Variants in CDH20 observed in about 807,000 individuals in gnomAD.
CDH20 encodes cadherin 20.
CDH20 carries 29 observed loss-of-function variants against 74.2 expected under a neutral mutation model. That is an observed-to-expected ratio of 0.39 (90% confidence interval 0.29 to 0.53). The LOEUF (loss-of-function observed/expected upper bound fraction) is 0.53, where lower values mean the gene tolerates loss of function less well. Ranked by LOEUF, CDH20 falls within the 20% of genes least tolerant of loss-of-function variation. The pLI, the probability that CDH20 is intolerant of heterozygous loss-of-function variation, is 0.69. For synonymous variants in CDH20, 469 were observed against 405.4 expected, an observed-to-expected ratio of 1.16 and a Z score of -1.88; for missense variants, 988 against 1,048.3, an observed-to-expected ratio of 0.94 and a Z score of 0.79.
intron 1 of CDH20, among the ~76,000 whole-genome samples, chr18:61,449,454 T>G (rs1909309665): frequency 6.6e-6 from 1 of 152,154 alleles, no homozygotes; most frequent in Non-Finnish European, 1.5e-5. Context: ...ATATTGTCTC[T>G]GATTCTCACA....
chr18:61,440,802 G>A (rs143434588), intron 1 of CDH20, among the ~76,000 whole-genome samples: 3 of 152,260 alleles, frequency 2.0e-5, no homozygotes, highest in African/African-American at 7.2e-5. Flanking sequence ...AACATGGGAT[G>A]GGGGAAGGGC....
chr18:61,515,500 C>T lies in CDH20; in HGVS notation c.1017+7940C>T, dbSNP rs1226729218. ...CTGGGAGCTGTAGACCGGAGCTGTT[C>T]CTATTCGGCCATCTTGGCTCCTCCC... On this transcript the variant is annotated intron_variant, in intron 6 of 11. Coordinates refer to ENST00000262717, the MANE Select transcript of CDH20 (RefSeq NM_031891.4). Among the ~76,000 whole-genome samples, 5 of 152,110 alleles carry T rather than the reference C, an allele frequency of 3.3e-5. No homozygotes were observed. The South Asian group carries it at 1.0e-3, about 32-fold the overall frequency.
At chr18:61,489,939 A>T (rs1367735539) in intron 1 of CDH20, among the ~76,000 whole-genome samples, 3 of 152,188 alleles carry the variant, frequency 2.0e-5, no homozygotes. Context: ...TGACCAAAAA[A>T]AAACAAGGTA....
chr18:61,501,425 T>C (rs898553861), intron 4 of CDH20, among the ~76,000 whole-genome samples: 5 of 152,150 alleles, frequency 3.3e-5, no homozygotes, highest in African/African-American at 9.7e-5. Context: ...TTCCCAATAA[T>C]CTTGTAAACT....
intron 1 of CDH20, among the ~76,000 whole-genome samples, chr18:61,346,566 C>A (rs1434390382): frequency 6.6e-6 from 1 of 152,066 alleles, no homozygotes. Flanking sequence ...GTAGAATTTT[C>A]AAGGAACACG....
chr18:61,368,445 G>A (rs1910929999), intron 1 of CDH20, among the ~76,000 whole-genome samples: 1 of 121,570 alleles, frequency 8.2e-6, no homozygotes. Context: ...CGGGGGTGGG[G>A]GGCAACAACT....
At chr18:61,409,832 A>G (rs555049685) in intron 1 of CDH20, among the ~76,000 whole-genome samples, 1 of 152,218 alleles carries the variant, frequency 6.6e-6, no homozygotes, top group South Asian at 2.1e-4. Flanking sequence ...GCTCCAGCCA[A>G]TCACAGTCAG....
chr18:61,486,485 A>G (rs1910767134), intron 1 of CDH20, among the ~76,000 whole-genome samples: 4 of 152,234 alleles, frequency 2.6e-5, no homozygotes, highest in Admixed American at 2.6e-4. Context: ...ACTCCTAAGT[A>G]AAATGGGTTT....
chr18:61,498,272 T>C (rs1911242192), intron 2 of CDH20, among the ~76,000 whole-genome samples: 1 of 152,138 alleles, frequency 6.6e-6, no homozygotes, highest in South Asian at 2.1e-4. Flanking sequence ...TTGTGGTGCA[T>C]GCCTGTAGTC....
chr18:61,483,586 A>T (rs1401870174), intron 1 of CDH20, among the ~76,000 whole-genome samples: 2 of 152,194 alleles, frequency 1.3e-5, no homozygotes, highest in Admixed American at 1.3e-4. Flanking sequence ...AATGGTATGT[A>T]TACCTATGCC....
intron 2 of CDH20, among the ~76,000 whole-genome samples, chr18:61,492,204 A>C (rs1279590434): frequency 6.6e-6 from 1 of 152,024 alleles, no homozygotes; most frequent in Non-Finnish European, 1.5e-5. Context: ...ATTATTTCCT[A>C]AAACCAGAGA....
intron 1 of CDH20, among the ~76,000 whole-genome samples, chr18:61,413,602 A>T (rs1187952550): frequency 6.6e-6 from 1 of 152,156 alleles, no homozygotes; most frequent in Middle Eastern, 3.2e-3. Context: ...CATTGTTCTG[A>T]CATCACACCA....
intron 1 of CDH20, among the ~76,000 whole-genome samples, chr18:61,354,828 A>T (rs957994043): frequency 1.3e-5 from 2 of 152,090 alleles, no homozygotes; most frequent in African/African-American, 4.8e-5. Flanking sequence ...ATTCTATTCT[A>T]GGTTTGAGCT....
At chr18:61,438,554 G>A (rs1399287455) in intron 1 of CDH20, among the ~76,000 whole-genome samples, 1 of 152,014 alleles carries the variant, frequency 6.6e-6, no homozygotes, top group Non-Finnish European at 1.5e-5. Flanking sequence ...AAACCACAAT[G>A]AGATATCTCA....
chr18:61,411,028 A>G (rs1251338418), intron 1 of CDH20, among the ~76,000 whole-genome samples: 3 of 150,616 alleles, frequency 2.0e-5, no homozygotes, highest in Non-Finnish European at 4.5e-5. Flanking sequence ...GTGAAACCCC[A>G]TCTCTACTAA....
intron 7 of CDH20, among the ~76,000 whole-genome samples, chr18:61,532,736 T>C (rs17068482): frequency 0.021 from 3,202 of 152,250 alleles, 109 homozygotes; most frequent in African/African-American, 0.073. Flanking sequence ...TGCACTATAG[T>C]AAAGAAAATG....
chr18:61,409,935 G>C (rs1912444122), intron 1 of CDH20, among the ~76,000 whole-genome samples: 1 of 152,158 alleles, frequency 6.6e-6, no homozygotes, highest in South Asian at 2.1e-4. Context: ...TCTGACCATA[G>C]ATGTCTGACC....
At chr18:61,484,767 AC>A (rs1334260684) in intron 1 of CDH20, among the ~76,000 whole-genome samples, 1 of 145,822 alleles carries the variant, frequency 6.9e-6, no homozygotes, top group Non-Finnish European at 1.5e-5. Flanking sequence ...ACACACACAC[AC>A]ACACACACAC....
intron 1 of CDH20, among the ~76,000 whole-genome samples, chr18:61,337,349 T>C (rs781602543): frequency 1.3e-5 from 2 of 152,238 alleles, no homozygotes; most frequent in Non-Finnish European, 2.9e-5. Flanking sequence ...AATAAACGCA[T>C]TACCTAATTC....
Sources: gnomAD v4.1 joint callset for allele counts (sites outside exome capture counted in the v4.1 genomes callset) on GRCh38, gnomAD v4.1.1 for gene constraint, MANE v1.5 for transcripts, NCBI Gene and HGNC (gene_info 2026-07-23, HGNC 2026-07-21) for gene names.